ZNRF1: variants seen among roughly 807,000 people sequenced by gnomAD.
ZNRF1 encodes the protein E3 ubiquitin-protein ligase ZNRF1.
ZNRF1 carries 3 observed loss-of-function variants against 18.4 expected under a neutral mutation model. That is an observed-to-expected ratio of 0.16 (90% confidence interval 0.07 to 0.42). The LOEUF is 0.42. Among genes scored for constraint, ZNRF1 ranks in the 10% least tolerant of loss-of-function variants. The probability of loss-of-function intolerance (pLI) is 0.99; values close to 1 mark genes in which losing one functional copy is unlikely to be tolerated. For synonymous variants in ZNRF1, 157 were observed against 144.2 expected, an observed-to-expected ratio of 1.09 and a Z score of -0.64; for missense variants, 310 against 329.8, an observed-to-expected ratio of 0.94 and a Z score of 0.47.
intron 1 of ZNRF1, among the ~76,000 whole-genome samples, chr16:75,073,279 G>A (rs369781872): frequency 6.6e-6 from 1 of 151,122 alleles, no homozygotes; most frequent in African/African-American, 2.4e-5. Flanking sequence ...ATTGTTGATT[G>A]CTTGCTAGTT....
chr16:75,039,587 T>G (rs1235147075), intron 1 of ZNRF1, among the ~76,000 whole-genome samples: 1 of 152,186 alleles, frequency 6.6e-6, no homozygotes, highest in Admixed American at 6.5e-5. Context: ...AGGTTCCCCT[T>G]TGTTAGAGAT....
chr16:75,080,116 A>G (rs756376629), intron 1 of ZNRF1, among the ~76,000 whole-genome samples: 1 of 152,026 alleles, frequency 6.6e-6, no homozygotes, highest in African/African-American at 2.4e-5. Flanking sequence ...GGGTTTCACT[A>G]TGTTGGCAAA....
chr16:75,048,910 C>G (rs914417426), intron 1 of ZNRF1, among the ~76,000 whole-genome samples: 4 of 152,150 alleles, frequency 2.6e-5, no homozygotes, highest in African/African-American at 9.7e-5. Flanking sequence ...TAATGACTAT[C>G]CTTTTCATTT....
At chr16:75,086,849 T>C (rs2036080780) in intron 1 of ZNRF1, among the ~76,000 whole-genome samples, 1 of 152,116 alleles carries the variant, frequency 6.6e-6, no homozygotes, top group Admixed American at 6.6e-5. Flanking sequence ...CGTGGCTTTC[T>C]TTACCCTGGT....
chr16:75,077,137 A>T (rs529281548), intron 1 of ZNRF1, among the ~76,000 whole-genome samples: 7 of 152,324 alleles, frequency 4.6e-5, no homozygotes, highest in Admixed American at 3.3e-4. Context: ...TCGTGCCTGT[A>T]ATCTCAGCAC....
At chr16:75,021,106 T>G (rs887309301) in intron 1 of ZNRF1, among the ~76,000 whole-genome samples, 2 of 152,116 alleles carry the variant, frequency 1.3e-5, no homozygotes, top group African/African-American at 4.8e-5. Context: ...AATGGGGCGG[T>G]CTCAGCTCAG....
chr16:75,004,512 A>G lies in ZNRF1; in HGVS notation c.424+4417A>G, dbSNP rs566339051. Among the ~76,000 whole-genome samples the G allele has an allele frequency of 2.0e-5, 3 of 152,342 alleles. No individual in the cohort carries two copies. The South Asian group carries it at 6.2e-4, about 32-fold the overall frequency. On this transcript the variant is annotated intron_variant, in intron 1 of 4. Coordinates refer to ENST00000335325, the MANE Select transcript of ZNRF1 (RefSeq NM_032268.5). ...AGGGCTTCACTTCACCTTCTTAGTC[A>G]TATGTGTATATATATGTATGCACTT...
chr16:75,085,696 A>G (rs1372559744), intron 1 of ZNRF1, among the ~76,000 whole-genome samples: 1 of 151,996 alleles, frequency 6.6e-6, no homozygotes, highest in African/African-American at 2.4e-5. Flanking sequence ...GACATTACCA[A>G]CATCTGGTGT....
At chr16:75,107,310 C>A in intron 4 of ZNRF1, 1 of 184,560 alleles carries the variant, frequency 5.4e-6, no homozygotes, top group Non-Finnish European at 1.2e-5. Flanking sequence ...AACAAGTAGA[C>A]AAAACCCCCA....
chr16:75,040,552 G>C (rs1405566459), intron 1 of ZNRF1, among the ~76,000 whole-genome samples: 2 of 139,490 alleles, frequency 1.4e-5, no homozygotes, highest in African/African-American at 5.4e-5. Flanking sequence ...ATTATTTTCT[G>C]TTTGGTGTCC....
chr16:75,105,012 G>C, intron 3 of ZNRF1, 123 bp downstream of exon 3: 1 of 788,542 alleles, frequency 1.3e-6, no homozygotes, highest in Non-Finnish European at 2.1e-6. Context: ...GGCTCCGAGC[G>C]GGTAAGGGCA....
At position 75,107,950 on chromosome 16, in the gene ZNRF1, G is replaced by A. The variant is rs918183492; in HGVS notation, c.*250G>A. The A allele has an allele frequency of 2.0e-5, 7 of 354,760 alleles. No individual in the cohort carries two copies. Among genetic ancestry groups the A allele is most frequent in the Non-Finnish European group, 4.0e-5 (7 of 176,700 alleles). 22.0% of individuals were successfully genotyped at this position (354,760 alleles called of 1,614,324 possible). ...CACCCCTCAGCCCAGGAGGGAAAGG[G>A]CATTTTCTTTTTCATCTTTGAAAGG... On this transcript the variant is annotated 3_prime_UTR_variant, in exon 5 of 5. Coordinates refer to ENST00000335325, the MANE Select transcript of ZNRF1 (RefSeq NM_032268.5).
chr16:75,020,384 A>T (rs1210745540), intron 1 of ZNRF1, among the ~76,000 whole-genome samples: 1 of 152,066 alleles, frequency 6.6e-6, no homozygotes, highest in Non-Finnish European at 1.5e-5. Context: ...AACCCATTTA[A>T]AAGTATTATG....
chr16:75,098,431 C>T (rs1232332472), intron 2 of ZNRF1, among the ~76,000 whole-genome samples: 3 of 152,172 alleles, frequency 2.0e-5, no homozygotes, highest in Non-Finnish European at 4.4e-5. Flanking sequence ...TTGCATTGCA[C>T]TTCAAAGGGC....
At chr16:75,018,821 G>T (rs1433863652) in intron 1 of ZNRF1, among the ~76,000 whole-genome samples, 1 of 151,632 alleles carries the variant, frequency 6.6e-6, no homozygotes, top group Non-Finnish European at 1.5e-5. Context: ...TTGCACATAT[G>T]TCATAAAATT....
chr16:75,016,046 G>C (rs1053661241), intron 1 of ZNRF1, among the ~76,000 whole-genome samples: 13 of 149,608 alleles, frequency 8.7e-5, no homozygotes, highest in African/African-American at 3.2e-4. Flanking sequence ...TCAGCCTCCC[G>C]AGTAGCTGGG....
intron 1 of ZNRF1, among the ~76,000 whole-genome samples, chr16:75,018,783 T>G (rs2035104462): frequency 6.6e-6 from 1 of 152,124 alleles, no homozygotes; most frequent in Non-Finnish European, 1.5e-5. Context: ...TTTCCAGATT[T>G]AATACGTTAA....
At position 75,011,979 on chromosome 16, in the gene ZNRF1, A is replaced by G. The variant is rs182592448; in HGVS notation, c.424+11884A>G. On this transcript the variant is annotated intron_variant, in intron 1 of 4. Coordinates refer to ENST00000335325, the MANE Select transcript of ZNRF1 (RefSeq NM_032268.5). ...TACTGAAAATTTGTTTGAAAAAAAA[A>G]TCTTTTTAATGAAACAGTGTGAGTC... 1.9e-3 allele frequency among the ~76,000 whole-genome samples: 289 copies of G among 152,308 alleles called. 1 individual carries two copies. Among genetic ancestry groups the G allele is most frequent in the Non-Finnish European group, 2.9e-3 (194 of 68,036 alleles).
At chr16:75,105,387 A>C in intron 3 of ZNRF1, 1 of 155,114 alleles carries the variant, frequency 6.4e-6, no homozygotes, top group East Asian at 1.9e-4. Context: ...GGCACAGTTA[A>C]AAGTAGCAGG....
Sources: gnomAD v4.1 joint callset for allele counts (sites outside exome capture counted in the v4.1 genomes callset) on GRCh38, gnomAD v4.1.1 for gene constraint, MANE v1.5 for transcripts, NCBI Gene and HGNC (gene_info 2026-07-23, HGNC 2026-07-21) for gene names.